Variants in EPM2A observed in about 807,000 individuals in gnomAD.
The protein encoded by EPM2A is laforin.
In EPM2A, 21 loss-of-function variants were observed where a neutral mutation model predicts 26.5. The ratio of observed to expected loss-of-function variants is 0.79; its 90% CI spans 0.56 to 1.14. The LOEUF (loss-of-function observed/expected upper bound fraction) is 1.14, where lower values mean the gene tolerates loss of function less well. EPM2A is among the 50% of genes most tolerant of loss of function. The probability of loss-of-function intolerance (pLI) is 0.00; values close to 1 mark genes in which losing one functional copy is unlikely to be tolerated. For synonymous variants in EPM2A, 217 were observed against 177.6 expected, an observed-to-expected ratio of 1.22 and a Z score of -1.76; for missense variants, 458 against 440.8, an observed-to-expected ratio of 1.04 and a Z score of -0.35.
intron 4 of EPM2A, among the ~76,000 whole-genome samples, chr6:145,467,581 C>T (rs1293350687): frequency 6.6e-6 from 1 of 152,112 alleles, no homozygotes; most frequent in African/African-American, 2.4e-5. Context: ...GCTATTATTA[C>T]ATTTTTCTCT....
At chr6:145,477,435 G>A (rs957746507) in intron 4 of EPM2A, among the ~76,000 whole-genome samples, 3 of 151,750 alleles carry the variant, frequency 2.0e-5, no homozygotes, top group Non-Finnish European at 4.4e-5. Context: ...TATGAGTCCA[G>A]TATTACCCAG....
Position 145,735,277 on chromosome 6 carries a change from G to C in EPM2A, c.222C>G (p.Asp74Glu), listed in dbSNP as rs748273406. Residue 74 changes from aspartate to glutamate, a missense_variant, in exon 1 of 4, where the codon GAC becomes GAG. Asp to Glu is a conservative substitution (Grantham distance 45, BLOSUM62 2). Transcript: ENST00000367519. Reference protein sequence around the residue: ...VELAAEEAAQDGAEPGRVDTF... With the variant: ...VELAAEEAAQEGAEPGRVDTF... ...TGTCCACGCGGCCCGGCTCCGCCCC[G>C]TCCTGCGCCGCCTCCTCGGCCGCCA... 10 of 1,500,108 alleles carry C rather than the reference G, an allele frequency of 6.7e-6. 1 individual carries two copies. In the Admixed American group the frequency reaches 2.1e-4, roughly 32 times the overall value. The allele number at this position is 1,500,108 out of a possible 1,614,324, so 92.9% of individuals were successfully genotyped here. A position where few individuals can be genotyped will look rare whatever the true frequency, so the allele number is the denominator to read the frequency against.
intron 2 of EPM2A, among the ~76,000 whole-genome samples, chr6:145,587,291 CAT>C (rs1411999544): frequency 6.6e-6 from 1 of 152,104 alleles, no homozygotes; most frequent in African/African-American, 2.4e-5. Context: ...AAACCAAAAA[CAT>C]GTTTCTATTT....
chr6:145,518,329 C>T (rs1780157466), intron 2 of EPM2A, among the ~76,000 whole-genome samples: 1 of 151,968 alleles, frequency 6.6e-6, no homozygotes, highest in Non-Finnish European at 1.5e-5. Context: ...TTTTGGGCAC[C>T]TTAATTTGAG....
chr6:145,701,508 A>G (rs1229637592), intron 1 of EPM2A, among the ~76,000 whole-genome samples: 1 of 152,202 alleles, frequency 6.6e-6, no homozygotes, highest in African/African-American at 2.4e-5. Context: ...GAAAAGCAAA[A>G]GCATTCCTGA....
At chr6:145,657,747 T>A (rs573454515) in intron 2 of EPM2A, among the ~76,000 whole-genome samples, 1 of 152,346 alleles carries the variant, frequency 6.6e-6, no homozygotes, top group African/African-American at 2.4e-5. Context: ...AGCAGCCTAC[T>A]GTTAAGATTT....
At chr6:145,614,447 C>A (rs1275169854) in intron 2 of EPM2A, among the ~76,000 whole-genome samples, 1 of 152,234 alleles carries the variant, frequency 6.6e-6, no homozygotes, top group Admixed American at 6.5e-5. Context: ...TTGCACTTAA[C>A]AACTTGGCTG....
intron 4 of EPM2A, among the ~76,000 whole-genome samples, chr6:145,493,753 C>G (rs384806): frequency 0.45 from 68,457 of 151,938 alleles, 15,460 homozygotes; most frequent in South Asian, 0.58. Flanking sequence ...TAATCACGTG[C>G]TTTTTGTCTT....
At chr6:145,449,850 A>T (rs1215915727) in intron 4 of EPM2A, among the ~76,000 whole-genome samples, 3 of 86,920 alleles carry the variant, frequency 3.5e-5, no homozygotes, top group Middle Eastern at 6.5e-3. Context: ...ATTCACTATA[A>T]TAGGAAATGG....
chr6:145,409,803 TGA>T (rs1240882076), intron 4 of EPM2A, among the ~76,000 whole-genome samples: 1 of 152,184 alleles, frequency 6.6e-6, no homozygotes, highest in African/African-American at 2.4e-5. Context: ...TCCACTTCAC[TGA>T]GGTTTACTCA....
intron 4 of EPM2A, among the ~76,000 whole-genome samples, chr6:145,409,281 A>G (rs1161640601): frequency 1.3e-5 from 2 of 152,158 alleles, no homozygotes; most frequent in Non-Finnish European, 2.9e-5. Flanking sequence ...GTGATCACAA[A>G]AAAAGAAAAA....
chr6:145,662,629 C>T (rs1018486339), intron 2 of EPM2A, among the ~76,000 whole-genome samples: 5 of 152,112 alleles, frequency 3.3e-5, no homozygotes, highest in Admixed American at 1.3e-4. Flanking sequence ...AGGTGGGGAT[C>T]AGTGGATAGA....
intron 2 of EPM2A, among the ~76,000 whole-genome samples, chr6:145,517,366 T>A (rs2114769489): frequency 6.6e-6 from 1 of 152,180 alleles, no homozygotes; most frequent in African/African-American, 2.4e-5. Context: ...AATAAACAAA[T>A]AAATAACACA....
At chr6:145,684,554 T>C (rs1467657767) in intron 2 of EPM2A, among the ~76,000 whole-genome samples, 1 of 152,216 alleles carries the variant, frequency 6.6e-6, no homozygotes, top group East Asian at 1.9e-4. Context: ...TCTCTTTGTC[T>C]CTTCTATACT....
intron 4 of EPM2A, among the ~76,000 whole-genome samples, chr6:145,466,555 C>T (rs1779396720): frequency 1.3e-5 from 2 of 151,998 alleles, no homozygotes; most frequent in African/African-American, 4.8e-5. Flanking sequence ...GGACTGTAAA[C>T]TAGTTCAACC....
chr6:145,452,977 C>T (rs1212951046), intron 4 of EPM2A, among the ~76,000 whole-genome samples: 1 of 152,144 alleles, frequency 6.6e-6, no homozygotes, highest in African/African-American at 2.4e-5. Flanking sequence ...TTTTGTTGAA[C>T]TTGTTGGTTT....
intron 1 of EPM2A, among the ~76,000 whole-genome samples, chr6:145,696,145 C>T (rs905787442): frequency 2.0e-5 from 3 of 151,778 alleles, no homozygotes; most frequent in East Asian, 1.9e-4. Flanking sequence ...TTTACAAATA[C>T]GTGGAAATTA....
chr6:145,594,361 A>G (rs1436227480), intron 2 of EPM2A, among the ~76,000 whole-genome samples: 2 of 151,938 alleles, frequency 1.3e-5, no homozygotes, highest in African/African-American at 2.4e-5. Context: ...TCATTGGTAA[A>G]TTATCCTGAG....
At chr6:145,678,509 G>A (rs1326502502) in intron 2 of EPM2A, among the ~76,000 whole-genome samples, 1 of 152,074 alleles carries the variant, frequency 6.6e-6, no homozygotes, top group Non-Finnish European at 1.5e-5. Context: ...ATGTGACAAA[G>A]GTGTAATATC....
Sources: allele counts gnomAD v4.1 joint callset (sites outside exome capture counted in the v4.1 genomes callset), GRCh38; gene constraint gnomAD v4.1.1; transcripts MANE v1.5; gene names NCBI Gene and HGNC (gene_info 2026-07-23, HGNC 2026-07-21).